DCC: variants seen among roughly 807,000 people sequenced by gnomAD.
DCC encodes netrin receptor DCC.
In DCC, 58 loss-of-function variants were observed where a neutral mutation model predicts 172.5. The ratio of observed to expected loss-of-function variants is 0.34; its 90% confidence interval spans 0.27 to 0.42. The LOEUF (loss-of-function observed/expected upper bound fraction) is 0.42, where lower values mean the gene tolerates loss of function less well. DCC is among the 10% of genes least tolerant of loss of function. DCC has a pLI of 1.00. For synonymous variants in DCC, 709 were observed against 644.5 expected (o/e 1.10, Z -1.52); for missense variants, 1,740 against 1,791.0 (o/e 0.97, Z 0.51).
chr18:53,409,190 G>A (rs1443260995), intron 19 of DCC, among the ~76,000 whole-genome samples: 1 of 152,134 alleles, frequency 6.6e-6, no homozygotes, highest in Non-Finnish European at 1.5e-5. Flanking sequence ...ATGGAGAATA[G>A]TCTTCCTGTA....
intron 2 of DCC, among the ~76,000 whole-genome samples, chr18:52,853,499 AG>A (rs2039008200): frequency 6.6e-6 from 1 of 152,240 alleles, no homozygotes; most frequent in African/African-American, 2.4e-5. Flanking sequence ...CAGAAAAACC[AG>A]ATGTTCTGAT....
intron 1 of DCC, among the ~76,000 whole-genome samples, chr18:52,386,400 G>T (rs1985800961): frequency 1.3e-5 from 2 of 152,010 alleles, no homozygotes; most frequent in South Asian, 2.1e-4. Context: ...GTCATTAGGG[G>T]ATTTTGGTAA....
intron 1 of DCC, among the ~76,000 whole-genome samples, chr18:52,411,977 A>AC (rs1054726619): frequency 1.3e-5 from 2 of 151,676 alleles, no homozygotes; most frequent in Non-Finnish European, 2.9e-5. Context: ...CCCTCTTGCC[A>AC]CCCCCACTTA....
At chr18:52,710,769 C>A (rs115380612) in intron 1 of DCC, among the ~76,000 whole-genome samples, 2 of 152,138 alleles carry the variant, frequency 1.3e-5, no homozygotes, top group African/African-American at 4.8e-5. Flanking sequence ...TAGGATGGCT[C>A]AGGTTAATAG....
At chr18:52,594,950 T>A (rs2033875680) in intron 1 of DCC, among the ~76,000 whole-genome samples, 1 of 152,318 alleles carries the variant, frequency 6.6e-6, no homozygotes, top group East Asian at 1.9e-4. Context: ...TCAAACTGTA[T>A]CACTACACTA....
At chr18:52,461,473 T>A (rs1275131574) in intron 1 of DCC, among the ~76,000 whole-genome samples, 1 of 152,234 alleles carries the variant, frequency 6.6e-6, no homozygotes, top group Non-Finnish European at 1.5e-5. Context: ...TCGTTTATTA[T>A]CATTATCACG....
intron 7 of DCC, among the ~76,000 whole-genome samples, chr18:53,115,148 A>G (rs2043391545): frequency 1.3e-5 from 2 of 151,596 alleles, no homozygotes; most frequent in African/African-American, 2.4e-5. Flanking sequence ...AAAAAATCAC[A>G]CTCATGGATT....
chr18:53,157,380 C>A lies in DCC; in HGVS notation c.1286C>A (p.Pro429His), dbSNP rs1454486031. ...GCTATCCCAAGCTCCAGTGTCCTCC[C>A]TTCGGCTCCCAGAGATGTGGTCCCT... Reference protein sequence around the residue: ...KPAIPSSSVLPSAPRDVVPVL... With the variant: ...KPAIPSSSVLHSAPRDVVPVL... The change falls in exon 8 of 29, where the codon CCT becomes CAT. Residue 429 changes from proline to histidine, a missense_variant. Physicochemically the swap from Pro to His is moderately conservative, Grantham distance 77. Around this residue, in one of 2 missense-constraint regions of DCC, gnomAD observed 1,732 missense variants for 1,767.4 expected, o/e 0.98. Transcript: ENST00000442544. The A allele has an allele frequency of 2.5e-6, 4 of 1,614,024 alleles. No individual in the cohort carries two copies. The African/African-American group carries it at 5.3e-5, about 22-fold the overall frequency.
rs979435035 is a variant in DCC at position 53,532,791 on chromosome 18, C to G, written c.*2138C>G. On this transcript the variant is annotated 3_prime_UTR_variant, in exon 29 of 29. Transcript: ENST00000442544. Reference sequence around the variant, plus strand: ...TCAGATTTTAGGGATTGAGTCACACCTTCAATCTATAGAATGAAGTTGACC... The same window carrying G: ...TCAGATTTTAGGGATTGAGTCACACGTTCAATCTATAGAATGAAGTTGACC... 8 of 149,416 alleles carry G rather than the reference C, an allele frequency of 5.4e-5. No individual in the cohort carries two copies. Among genetic ancestry groups the G allele is most frequent in the Admixed American group, 2.0e-4 (3 of 14,952 alleles). 9.3% of individuals were successfully genotyped at this position (149,416 alleles called of 1,614,324 possible).
chr18:52,492,530 G>A (rs908833841), intron 1 of DCC, among the ~76,000 whole-genome samples: 2 of 151,856 alleles, frequency 1.3e-5, no homozygotes, highest in Non-Finnish European at 2.9e-5. Context: ...GTAGGTGTGA[G>A]TTTTGTTGGT....
chr18:52,497,280 A>AAAATATATAT (rs1555689730), intron 1 of DCC, among the ~76,000 whole-genome samples: 2 of 21,574 alleles, frequency 9.3e-5, no homozygotes, highest in Non-Finnish European at 2.1e-4. Flanking sequence ...AAAAAAAAAA[A>AAAATATATAT]ATATATATAT....
intron 2 of DCC, among the ~76,000 whole-genome samples, chr18:52,796,900 T>G (rs1049332817): frequency 6.6e-6 from 1 of 152,152 alleles, no homozygotes; most frequent in Non-Finnish European, 1.5e-5. Flanking sequence ...ATTAAATAGG[T>G]TTTCTATGCC....
chr18:53,191,983 C>T (rs1277412786), intron 9 of DCC, among the ~76,000 whole-genome samples: 1 of 152,200 alleles, frequency 6.6e-6, no homozygotes, highest in Non-Finnish European at 1.5e-5. Context: ...GTCTATTTGT[C>T]TTCCTGCTGC....
At chr18:52,805,542 G>C (rs779715670) in intron 2 of DCC, among the ~76,000 whole-genome samples, 1 of 152,168 alleles carries the variant, frequency 6.6e-6, no homozygotes, top group Non-Finnish European at 1.5e-5. Context: ...ATATGTGCTG[G>C]ACAGCCAGGT....
At chr18:52,969,188 C>G (rs1459026708) in intron 5 of DCC, among the ~76,000 whole-genome samples, 1 of 152,118 alleles carries the variant, frequency 6.6e-6, no homozygotes, top group East Asian at 1.9e-4. Flanking sequence ...CTATGACTTC[C>G]AAATCTCTCC....
At chr18:53,493,373 T>C (rs2045980908) in intron 26 of DCC, among the ~76,000 whole-genome samples, 1 of 152,064 alleles carries the variant, frequency 6.6e-6, no homozygotes, top group African/African-American at 2.4e-5. Flanking sequence ...TGAATAGGAG[T>C]AGTGAGAGAG....
At chr18:53,103,231 T>A (rs1429604905) in intron 7 of DCC, among the ~76,000 whole-genome samples, 1 of 151,994 alleles carries the variant, frequency 6.6e-6, no homozygotes, top group African/African-American at 2.4e-5. Context: ...AGGCCCAGCT[T>A]CTATCAGTGA....
intron 2 of DCC, among the ~76,000 whole-genome samples, chr18:52,898,122 G>C (rs1025129440): frequency 2.0e-5 from 3 of 152,170 alleles, no homozygotes; most frequent in Non-Finnish European, 4.4e-5. Context: ...ATTTACAGCC[G>C]CTCTCCTCTG....
At chr18:52,906,500 G>T (rs948627108) in intron 3 of DCC, among the ~76,000 whole-genome samples, 172 bp downstream of exon 3, 11 of 136,004 alleles carry the variant, frequency 8.1e-5, no homozygotes, top group African/African-American at 3.0e-4. Flanking sequence ...TGTACCAAAA[G>T]CTGTTCTTTT....
Sources: gnomAD v4.1 joint callset for allele counts (sites outside exome capture counted in the v4.1 genomes callset) on GRCh38, gnomAD v4.1.1 for gene constraint, gnomAD v4.1.1 regional missense constraint, MANE v1.5 for transcripts, NCBI Gene and HGNC (gene_info 2026-07-23, HGNC 2026-07-21) for gene names.